Variants in KIT observed in about 807,000 individuals in gnomAD.
KIT encodes the protein mast/stem cell growth factor receptor Kit.
Under a neutral mutation model 105.7 loss-of-function variants are expected in KIT, and 16 were observed. That is an observed-to-expected ratio of 0.15 (90% CI 0.10 to 0.23). KIT has a LOEUF of 0.23. Ranked by LOEUF, KIT falls within the 10% of genes least tolerant of loss-of-function variation. KIT has a pLI of 1.00. For missense variants in KIT, 858 were observed against 1,213.8 expected (o/e 0.71, Z 4.36); for synonymous variants, 438 against 441.1 (o/e 0.99, Z 0.09).
intron 13 of KIT, among the ~76,000 whole-genome samples, chr4:54,728,767 C>A (rs1371632272): frequency 6.6e-6 from 1 of 152,148 alleles, no homozygotes; most frequent in East Asian, 1.9e-4. Flanking sequence ...AAATTTCTTA[C>A]CCAAGTTAAT....
At chr4:54,731,796 T>G in intron 15 of KIT, 75 bp from the exon 16 acceptor site, 1 of 1,489,022 alleles carries the variant, frequency 6.7e-7, no homozygotes, top group South Asian at 1.1e-5. Flanking sequence ...GCCTTTGGTA[T>G]GTCATTGCCA....
At chr4:54,722,131 G>T (rs562401578) in intron 7 of KIT, among the ~76,000 whole-genome samples, 7 of 152,080 alleles carry the variant, frequency 4.6e-5, no homozygotes, top group Non-Finnish European at 7.4e-5. Context: ...GACTACAGGC[G>T]CATGTCACTG....
intron 14 of KIT, 66 bp from the exon 15 acceptor site, chr4:54,731,262 A>G (rs1722573893): frequency 3.8e-6 from 4 of 1,049,996 alleles, no homozygotes; most frequent in African/African-American, 1.6e-5. Flanking sequence ...GAGGTAGAGC[A>G]TGACCCATGA....
intron 1 of KIT, among the ~76,000 whole-genome samples, chr4:54,659,187 C>T (rs1357626729): frequency 2.6e-5 from 4 of 152,224 alleles, no homozygotes; most frequent in African/African-American, 9.6e-5. Flanking sequence ...GTGGAACTTT[C>T]TGCAAATCCT....
chr4:54,718,164 A>C (rs1468377114), intron 7 of KIT, among the ~76,000 whole-genome samples: 1 of 152,140 alleles, frequency 6.6e-6, no homozygotes, highest in Non-Finnish European at 1.5e-5. Context: ...GCAGTGGCAC[A>C]ATCTTGGCTC....
chr4:54,701,196 G>T (rs150544154), intron 4 of KIT, among the ~76,000 whole-genome samples: 137 of 152,306 alleles, frequency 9.0e-4, no homozygotes, highest in African/African-American at 3.1e-3. Context: ...TCAGTGTTAG[G>T]AGCTCTTTGG....
At chr4:54,737,040 TTA>T (rs1248133375) in intron 19 of KIT, 133 bp from the exon 20 acceptor site, 1 of 742,046 alleles carries the variant, frequency 1.3e-6, no homozygotes, top group African/African-American at 1.7e-5. Context: ...ATGCAGTGTT[TTA>T]TGTTATCTAT....
At chr4:54,717,780 T>G (rs1327466152) in intron 7 of KIT, among the ~76,000 whole-genome samples, 1 of 152,168 alleles carries the variant, frequency 6.6e-6, no homozygotes, top group South Asian at 2.1e-4. Context: ...CCTCCACTTC[T>G]GAATTATGTT....
chr4:54,664,895 T>C (rs1717570945), intron 1 of KIT, among the ~76,000 whole-genome samples: 1 of 151,934 alleles, frequency 6.6e-6, no homozygotes, highest in South Asian at 2.1e-4. Context: ...GCCTGTTTTT[T>C]TTTTTTTTAA....
At chr4:54,733,782 T>A (rs1010477533) in intron 17 of KIT, among the ~76,000 whole-genome samples, 1 of 152,154 alleles carries the variant, frequency 6.6e-6, no homozygotes, top group Non-Finnish European at 1.5e-5. Flanking sequence ...TTGGAGAAAC[T>A]AAGGCATGGC....
At chr4:54,682,999 G>A (rs947572439) in intron 1 of KIT, among the ~76,000 whole-genome samples, 4 of 152,000 alleles carry the variant, frequency 2.6e-5, no homozygotes, top group Non-Finnish European at 4.4e-5. Context: ...TGATCCTCCC[G>A]CCTCAGCTTC....
chr4:54,706,305 T>A (rs1720785184), intron 5 of KIT, among the ~76,000 whole-genome samples: 1 of 152,178 alleles, frequency 6.6e-6, no homozygotes, highest in Non-Finnish European at 1.5e-5. Context: ...ATACTACTTT[T>A]ACCACACTTG....
At chr4:54,659,854 G>A (rs1408287451) in intron 1 of KIT, among the ~76,000 whole-genome samples, 1 of 151,962 alleles carries the variant, frequency 6.6e-6, no homozygotes, top group Non-Finnish European at 1.5e-5. Context: ...TAGATTTTTG[G>A]CAAAGGGAAT....
At chr4:54,731,182 A>G in intron 14 of KIT, 146 bp from the exon 15 acceptor site, 1 of 701,240 alleles carries the variant, frequency 1.4e-6, no homozygotes, top group East Asian at 2.7e-5. Context: ...AGGATTTTCA[A>G]ACTCTTTATT....
intron 8 of KIT, among the ~76,000 whole-genome samples, chr4:54,724,155 G>A (rs1722073647): frequency 1.3e-5 from 2 of 152,134 alleles, no homozygotes; most frequent in Non-Finnish European, 2.9e-5. Context: ...TTTTAAAAAG[G>A]GTTTCTTCTT....
intron 7 of KIT, among the ~76,000 whole-genome samples, chr4:54,715,738 G>A (rs1410218990): frequency 6.6e-6 from 1 of 152,172 alleles, no homozygotes; most frequent in Admixed American, 6.5e-5. Flanking sequence ...GAGATTTGAA[G>A]GGGACAAATA....
intron 1 of KIT, among the ~76,000 whole-genome samples, chr4:54,688,942 G>C (rs1362142550): frequency 6.6e-6 from 1 of 152,210 alleles, no homozygotes; most frequent in Non-Finnish European, 1.5e-5. Flanking sequence ...TCTTCTTTGA[G>C]TTTTGGTTGA....
At chr4:54,668,653 G>A (rs978448855) in intron 1 of KIT, among the ~76,000 whole-genome samples, 2 of 152,202 alleles carry the variant, frequency 1.3e-5, no homozygotes, top group Non-Finnish European at 2.9e-5. Context: ...TTCTAGAACA[G>A]GATTCAATTG....
chr4:54,687,388 A>G (rs1370056774), intron 1 of KIT, among the ~76,000 whole-genome samples: 1 of 152,078 alleles, frequency 6.6e-6, no homozygotes, highest in Non-Finnish European at 1.5e-5. Flanking sequence ...TAGTGAGCCG[A>G]GATCGCGCCA....
Sources: gnomAD v4.1 joint callset for allele counts (sites outside exome capture counted in the v4.1 genomes callset) on GRCh38, gnomAD v4.1.1 for gene constraint, MANE v1.5 for transcripts, NCBI Gene and HGNC (gene_info 2026-07-23, HGNC 2026-07-21) for gene names.